ELMO1: variants seen among roughly 807,000 people sequenced by gnomAD.
ELMO1 encodes engulfment and cell motility 1.
Under a neutral mutation model 98.9 loss-of-function variants are expected in ELMO1, and 26 were observed. The ratio of observed to expected loss-of-function variants is 0.26; its 90% CI spans 0.19 to 0.36. The LOEUF is 0.36. Ranked by LOEUF, ELMO1 falls within the 10% of genes least tolerant of loss-of-function variation. The pLI is 1.00. For synonymous variants in ELMO1, 346 were observed against 346.0 expected (o/e 1.00, Z 0.00); for missense variants, 627 against 935.2 (o/e 0.67, Z 4.30).
At chr7:37,152,068 T>C (rs1006202589) in intron 13 of ELMO1, among the ~76,000 whole-genome samples, 1 of 152,206 alleles carries the variant, frequency 6.6e-6, no homozygotes. Context: ...GTAAATAGCA[T>C]GTGAATGCCA....
chr7:37,441,005 A>T (rs954074642), intron 1 of ELMO1, among the ~76,000 whole-genome samples: 1 of 152,090 alleles, frequency 6.6e-6, no homozygotes, highest in African/African-American at 2.4e-5. Flanking sequence ...AAAAACAAAA[A>T]AAAAATTATT....
chr7:36,888,559 C>G (rs1805250426), intron 17 of ELMO1, among the ~76,000 whole-genome samples: 1 of 152,196 alleles, frequency 6.6e-6, no homozygotes, highest in East Asian at 1.9e-4. Flanking sequence ...CTAGCATTTC[C>G]TGTAACTCAT....
At chr7:37,229,648 T>A (rs1017556026) in intron 8 of ELMO1, among the ~76,000 whole-genome samples, 2 of 152,202 alleles carry the variant, frequency 1.3e-5, no homozygotes, top group Non-Finnish European at 2.9e-5. Context: ...GTTGCCTGCA[T>A]ACAATTCCTG....
At chr7:37,414,376 A>C (rs773218455) in intron 1 of ELMO1, among the ~76,000 whole-genome samples, 1 of 152,238 alleles carries the variant, frequency 6.6e-6, no homozygotes, top group Non-Finnish European at 1.5e-5. Context: ...TGTACATTAC[A>C]TGTAGAATAT....
chr7:36,947,681 C>G (rs1461292854), intron 16 of ELMO1, among the ~76,000 whole-genome samples: 1 of 152,160 alleles, frequency 6.6e-6, no homozygotes, highest in Non-Finnish European at 1.5e-5. Flanking sequence ...AACTCCACAG[C>G]AATTTATACG....
intron 4 of ELMO1, among the ~76,000 whole-genome samples, chr7:37,284,463 C>T (rs979297794): frequency 3.3e-5 from 5 of 152,254 alleles, no homozygotes; most frequent in African/African-American, 4.8e-5. Context: ...CCTCCCTCCA[C>T]GGCAGAGCTT....
intron 4 of ELMO1, among the ~76,000 whole-genome samples, chr7:37,296,194 C>T (rs1050667735): frequency 6.6e-6 from 1 of 152,172 alleles, no homozygotes; most frequent in Non-Finnish European, 1.5e-5. Context: ...ATTTGAAATT[C>T]AGAGCCCTCT....
Position 36,990,557 on chromosome 7 carries a change from A to G in ELMO1, c.1437+22742T>C, listed in dbSNP as rs1584485209. On this transcript the variant is annotated intron_variant, in intron 16 of 21. Transcript: ENST00000310758. ...TGGGCATCTGAATAAAGGTCATAAG[A>G]AATCCCTTTCTATTTCGCTCACACG... Among the ~76,000 whole-genome samples, 3 of 152,174 alleles carry G rather than the reference A, an allele frequency of 2.0e-5. 1 individual carries two copies. The East Asian group carries it at 5.8e-4, about 29-fold the overall frequency.
At chr7:36,939,170 G>GT (rs796159852) in intron 16 of ELMO1, among the ~76,000 whole-genome samples, 8,151 of 145,740 alleles carry the variant, frequency 0.056, 670 homozygotes, top group African/African-American at 0.18. Flanking sequence ...TAAGAAATGA[G>GT]TTTTTTTTTT....
intron 6 of ELMO1, among the ~76,000 whole-genome samples, chr7:37,258,141 G>A (rs1231248350): frequency 6.6e-6 from 1 of 152,134 alleles, no homozygotes; most frequent in Admixed American, 6.5e-5. Context: ...GGTGGCATAC[G>A]CTTGTAGTCC....
At position 37,259,301 on chromosome 7, in the gene ELMO1, T is replaced by C; in HGVS notation, c.293A>G (p.Asp98Gly). 1 of 1,614,140 alleles carries C rather than the reference T, an allele frequency of 6.2e-7. No individual in the cohort carries two copies. Among genetic ancestry groups the C allele is most frequent in the Non-Finnish European group, 8.5e-7 (1 of 1,180,016 alleles). Residue 98 changes from aspartate to glycine, a missense_variant, in exon 6 of 22, where the codon GAT becomes GGT. This residue lies in a region of ELMO1 where 123 missense variants were observed against 171.2 expected (regional missense o/e 0.72). Transcript: ENST00000310758. ...LHERIQSSSM[D>G]AKLEALKDLA... ...GTCCTTCAGGGCTTCCAGCTTGGCATCCATACTCGAGGACTGGATTCGTTC... is the reference window on the plus strand; with the variant it reads ...GTCCTTCAGGGCTTCCAGCTTGGCACCCATACTCGAGGACTGGATTCGTTC...
At chr7:37,079,498 G>A (rs1461250658) in intron 15 of ELMO1, among the ~76,000 whole-genome samples, 1 of 152,126 alleles carries the variant, frequency 6.6e-6, no homozygotes. Flanking sequence ...ACAGCCATCA[G>A]TGGCCCACAC....
At chr7:37,158,869 G>A (rs1788987894) in intron 13 of ELMO1, among the ~76,000 whole-genome samples, 2 of 152,154 alleles carry the variant, frequency 1.3e-5, no homozygotes, top group South Asian at 4.1e-4. Context: ...GTTTATTGTG[G>A]CACTATTCGC....
chr7:37,344,637 C>G (rs535111653), intron 1 of ELMO1, among the ~76,000 whole-genome samples: 2 of 152,202 alleles, frequency 1.3e-5, no homozygotes, highest in Non-Finnish European at 2.9e-5. Flanking sequence ...ATATTGATAG[C>G]CATTTCCAAA....
At chr7:36,898,437 T>G (rs1296524853) in intron 16 of ELMO1, among the ~76,000 whole-genome samples, 1 of 152,202 alleles carries the variant, frequency 6.6e-6, no homozygotes, top group African/African-American at 2.4e-5. Context: ...GTTTCTGAAG[T>G]CTTCTTAGCC....
intron 4 of ELMO1, among the ~76,000 whole-genome samples, chr7:37,298,356 GGTTA>G (rs2131005916): frequency 6.8e-6 from 1 of 147,612 alleles, no homozygotes; most frequent in East Asian, 2.0e-4. Flanking sequence ...ACATTGTGCA[GGTTA>G]GTTACATATG....
Position 37,050,780 on chromosome 7 carries a change from AC to A in ELMO1, c.1301-37346del, listed in dbSNP as rs200402886. ...ATACATACAATTACCAAAAAAAAAAACCCTATTTGATAGATGTAGAAGCCAA... is the reference window on the plus strand; with the variant it reads ...ATACATACAATTACCAAAAAAAAAAACCTATTTGATAGATGTAGAAGCCAA... On this transcript the variant is annotated intron_variant, in intron 15 of 21. Coordinates refer to ENST00000310758, the MANE Select transcript of ELMO1 (RefSeq NM_014800.11). Among the ~76,000 whole-genome samples the A allele has an allele frequency of 8.8e-3, 1,325 of 150,838 alleles. 5 individuals carry two copies. Among genetic ancestry groups the A allele is most frequent in the Middle Eastern group, 0.014 (4 of 292 alleles).
intron 13 of ELMO1, among the ~76,000 whole-genome samples, chr7:37,170,847 T>A (rs894900629): frequency 2.0e-5 from 3 of 152,184 alleles, no homozygotes; most frequent in Admixed American, 6.5e-5. Flanking sequence ...CCTCAAGTGA[T>A]CTACCCACCT....
At chr7:36,887,530 C>T in intron 18 of ELMO1, 30 bp downstream of exon 18, 2 of 1,607,442 alleles carry the variant, frequency 1.2e-6, no homozygotes, top group Non-Finnish European at 1.7e-6. Flanking sequence ...TTTACCCTAT[C>T]CAAGTTTGGA....
Sources: gnomAD v4.1 joint callset for allele counts (sites outside exome capture counted in the v4.1 genomes callset) on GRCh38, gnomAD v4.1.1 for gene constraint, gnomAD v4.1.1 regional missense constraint, MANE v1.5 for transcripts, NCBI Gene and HGNC (gene_info 2026-07-23, HGNC 2026-07-21) for gene names.